The following PKHD1 variants were observed in gnomAD, a reference collection of about 807,000 sequenced individuals.
PKHD1 encodes the protein PKHD1 ciliary IPT domain containing fibrocystin/polyductin.
In PKHD1, 291 loss-of-function variants were observed where a neutral mutation model predicts 412.0. The observed-to-expected ratio is 0.71, with a 90% CI of 0.64 to 0.78. The LOEUF (loss-of-function observed/expected upper bound fraction) is 0.78. Ranked by LOEUF, PKHD1 falls within the 30% of genes least tolerant of loss-of-function variation. The pLI is 0.00. For missense variants in PKHD1, 4,825 were observed against 4,950.7 expected, an observed-to-expected ratio of 0.97 and a Z score of 0.76; for synonymous variants, 1,777 against 1,821.5, an observed-to-expected ratio of 0.98 and a Z score of 0.62.
Position 51,619,448 on chromosome 6 carries a change from C to T in PKHD1, c.11858G>A (p.Arg3953Lys). ...PHQLMNGVSR[R>K]KVSRHIVREE... ...TCGGACAATGTGGCGGCTAACTTTCCTTCTGGACACTCCATTCATCAACTG... is the reference window on the plus strand; with the variant it reads ...TCGGACAATGTGGCGGCTAACTTTCTTTCTGGACACTCCATTCATCAACTG... The change falls in exon 67 of 67, where the codon AGG (arginine) becomes AAG (lysine). Residue 3953 changes from arginine (R) to lysine (K), a missense_variant. Arg to Lys is a conservative substitution (Grantham distance 26). Coordinates refer to ENST00000371117, the MANE Select transcript of PKHD1 (RefSeq NM_138694.4). The T allele has an allele frequency of 6.2e-7, 1 of 1,614,070 alleles. No individual in the cohort carries two copies. The highest frequency in any genetic ancestry group is 8.5e-7 in the Non-Finnish European group (1 of 1,179,952).
At chr6:51,985,526 C>T (rs897260239) in intron 35 of PKHD1, among the ~76,000 whole-genome samples, 1 of 152,092 alleles carries the variant, frequency 6.6e-6, no homozygotes, top group African/African-American at 2.4e-5. Context: ...GCCAGGAGTT[C>T]GAGACCCACC....
At chr6:51,648,204 T>A in intron 62 of PKHD1, 86 bp from the exon 63 acceptor site, 1 of 777,180 alleles carries the variant, frequency 1.3e-6, no homozygotes, top group Non-Finnish European at 2.3e-6. Flanking sequence ...GATCAGATAT[T>A]TGCTTTTATA....
chr6:51,713,084 A>G (rs1780840816), intron 60 of PKHD1, among the ~76,000 whole-genome samples: 1 of 152,230 alleles, frequency 6.6e-6, no homozygotes, highest in Non-Finnish European at 1.5e-5. Context: ...CATCACTATC[A>G]TTATTAATAT....
chr6:51,625,739 T>A (rs1249869406), intron 66 of PKHD1, among the ~76,000 whole-genome samples: 1 of 152,168 alleles, frequency 6.6e-6, no homozygotes, highest in African/African-American at 2.4e-5. Flanking sequence ...AGAGAGAGAT[T>A]AGTACTGCTC....
intron 33 of PKHD1, 52 bp downstream of exon 33, chr6:52,022,749 A>G (rs1404723460): frequency 2.0e-5 from 31 of 1,580,022 alleles, no homozygotes; most frequent in Non-Finnish European, 2.7e-5. Context: ...ACCAAAGAAT[A>G]TCATTTCCAT....
intron 52 of PKHD1, among the ~76,000 whole-genome samples, chr6:51,813,427 G>A (rs949208739): frequency 5.9e-5 from 9 of 152,088 alleles, no homozygotes; most frequent in African/African-American, 1.9e-4. Flanking sequence ...CTGTTCCTGT[G>A]TTTAAATGAA....
In PKHD1 at chr6:51,632,595, A is replaced by T; in HGVS notation, c.11635T>A (p.Cys3879Ser). The T allele has an allele frequency of 6.2e-7, 1 of 1,613,464 alleles. No individual in the cohort carries two copies. Among genetic ancestry groups the T allele is most frequent in the South Asian group, 1.1e-5 (1 of 91,054 alleles). ...CTTTTGCTTCTTTTAAGCCAACAGCACACCAGACAGCTCAGAGCCAGCCAT... is the reference window on the plus strand; with the variant it reads ...CTTTTGCTTCTTTTAAGCCAACAGCTCACCAGACAGCTCAGAGCCAGCCAT... The part of the protein sequence containing the change: ...ASWLALSCLV[C>S]CWLKRSKSRK... The change falls in exon 65 of 67, where the codon TGC becomes AGC. Residue 3879 changes from cysteine (C) to serine (S), a missense_variant. Transcript: ENST00000371117.
chr6:52,051,483 G>T (rs763829607), intron 21 of PKHD1, among the ~76,000 whole-genome samples: 1 of 152,178 alleles, frequency 6.6e-6, no homozygotes. Flanking sequence ...TGCCAGCAGG[G>T]TTAATGTGAT....
chr6:52,041,311 T>G (rs1369892554), intron 27 of PKHD1, among the ~76,000 whole-genome samples: 4 of 152,240 alleles, frequency 2.6e-5, no homozygotes, highest in African/African-American at 9.6e-5. Context: ...AGAGATTGCC[T>G]GAGGACATGT....
chr6:51,951,346 G>A (rs77388450), intron 36 of PKHD1, among the ~76,000 whole-genome samples: 52 of 151,822 alleles, frequency 3.4e-4, no homozygotes, highest in African/African-American at 1.2e-3. Flanking sequence ...AAAAAAAATC[G>A]TCTTTTTCCC....
chr6:51,903,854 TATATA>T, intron 42 of PKHD1, 127 bp from the exon 43 acceptor site: 4 of 421,920 alleles, frequency 9.5e-6, no homozygotes, highest in Non-Finnish European at 1.6e-5. Flanking sequence ...TATATATATA[TATATA>T]TTTAGAAAAT....
chr6:52,050,354 G>A lies in PKHD1; in HGVS notation c.2141-59C>T. 3.2e-6 allele frequency: 5 copies of A among 1,561,362 alleles called. No individual in the cohort carries two copies. The South Asian group carries it at 5.6e-5, about 17-fold the overall frequency. ...CTTAAGATGGTAGACTTGCTGTGTG[G>A]AAAATCCCAGTTGGAAATGTGAGTT... On this transcript the variant is annotated intron_variant, in intron 21 of 66. Transcript: ENST00000371117.
At position 51,941,236 on chromosome 6, in the gene PKHD1, C is replaced by CTTTTT. The variant is rs539546758; in HGVS notation, c.5909-6919_5909-6915dup. 5.5e-4 allele frequency among the ~76,000 whole-genome samples: 35 copies of CTTTTT among 63,082 alleles called. 2 individuals are homozygous for CTTTTT. The highest frequency in any genetic ancestry group is 1.7e-3 in the African/African-American group (26 of 15,444). The allele number at this position is 63,082 out of a possible 152,430, so 41.4% of individuals were successfully genotyped here. On this transcript the variant is annotated intron_variant, in intron 36 of 66. Transcript: ENST00000371117. ...TATCACTCACCTGTTACAGCATGGC[C>CTTTTT]TTTTTTTTTTTTTTTTTTTTTTTTT...
At chr6:52,061,270 A>G (rs373666929) in intron 14 of PKHD1, among the ~76,000 whole-genome samples, 35 of 152,290 alleles carry the variant, frequency 2.3e-4, no homozygotes, top group African/African-American at 7.9e-4. Context: ...GGCTCGCTGC[A>G]GCCCTAACTC....
intron 35 of PKHD1, among the ~76,000 whole-genome samples, chr6:51,982,157 C>CTGA (rs1795446340): frequency 2.2e-5 from 1 of 45,286 alleles, no homozygotes; most frequent in Non-Finnish European, 5.0e-5. Context: ...GCGTCTCCGC[C>CTGA]CGGCAGCCAC....
intron 61 of PKHD1, among the ~76,000 whole-genome samples, chr6:51,651,965 G>C (rs931011460): frequency 1.3e-5 from 2 of 152,124 alleles, no homozygotes; most frequent in Admixed American, 1.3e-4. Context: ...ATCATTACAT[G>C]CTGCTCCAAT....
chr6:51,680,491 A>T (rs1248479939), intron 60 of PKHD1, among the ~76,000 whole-genome samples: 2 of 152,064 alleles, frequency 1.3e-5, no homozygotes, highest in African/African-American at 4.8e-5. Context: ...AAAACTCAAG[A>T]GTTATCACAA....
At chr6:51,657,690 G>T in intron 61 of PKHD1, among the ~76,000 whole-genome samples, 1 of 151,894 alleles carries the variant, frequency 6.6e-6, no homozygotes, top group East Asian at 1.9e-4. Flanking sequence ...CCTCATGATA[G>T]AATGGCATGC....
rs539343270 is a variant in PKHD1 at position 51,719,686 on chromosome 6, A to T, written c.10156+24699T>A. 1.2e-4 allele frequency among the ~76,000 whole-genome samples: 18 copies of T among 152,310 alleles called. No individual in the cohort carries two copies. In the South Asian group the frequency reaches 3.5e-3, roughly 30 times the overall value. ...AAATATGTTATCTCTTTATACAATG[A>T]CTAATTTTCCAATCTATAATTTGAC... On this transcript the variant is annotated intron_variant, in intron 60 of 66. Coordinates refer to ENST00000371117, the MANE Select transcript of PKHD1 (RefSeq NM_138694.4).
Sources: gnomAD v4.1 joint callset for allele counts (sites outside exome capture counted in the v4.1 genomes callset) on GRCh38, gnomAD v4.1.1 for gene constraint, MANE v1.5 for transcripts, NCBI Gene and HGNC (gene_info 2026-07-23, HGNC 2026-07-21) for gene names.